The following ATXN1 variants were observed in gnomAD, a reference collection of about 807,000 sequenced individuals.
The protein encoded by ATXN1 is ataxin 1, also known as ataxin-1.
A neutral mutation model predicts 56.4 loss-of-function variants in ATXN1; 8 were observed. The ratio of observed to expected loss-of-function variants is 0.14; its 90% CI spans 0.08 to 0.26. ATXN1 has a LOEUF of 0.26. Ranked by LOEUF, ATXN1 falls within the 10% of genes least tolerant of loss-of-function variation. The pLI is 1.00. For missense variants in ATXN1, 987 were observed against 1,106.5 expected (o/e 0.89, Z 1.53); for synonymous variants, 514 against 494.6 (o/e 1.04, Z -0.52).
intron 6 of ATXN1, among the ~76,000 whole-genome samples, chr6:16,355,560 C>CTTT (rs11285936): frequency 2.0e-5 from 3 of 146,784 alleles, no homozygotes; most frequent in Non-Finnish European, 3.0e-5. Context: ...CTCACCCACC[C>CTTT]TTTTTTTTTT....
intron 3 of ATXN1, among the ~76,000 whole-genome samples, chr6:16,604,754 T>TA (rs35893990): frequency 2.3e-3 from 325 of 144,184 alleles, no homozygotes; most frequent in African/African-American, 5.8e-3. Context: ...CCTGGCTGAT[T>TA]AAAAAAAAAA....
intron 6 of ATXN1, among the ~76,000 whole-genome samples, chr6:16,400,657 A>G (rs1275428532): frequency 6.6e-6 from 1 of 152,190 alleles, no homozygotes; most frequent in African/African-American, 2.4e-5. Flanking sequence ...TGTTAATCCA[A>G]TATTTATGAT....
intron 6 of ATXN1, among the ~76,000 whole-genome samples, chr6:16,332,302 A>T (rs990580659): frequency 1.2e-4 from 18 of 152,348 alleles, no homozygotes; most frequent in Admixed American, 3.3e-4. Context: ...AGGGCGCCCC[A>T]GGATGGCACC....
intron 6 of ATXN1, among the ~76,000 whole-genome samples, chr6:16,371,277 G>A (rs1034718428): frequency 9.9e-5 from 15 of 151,814 alleles, no homozygotes; most frequent in African/African-American, 3.6e-4. Context: ...GAACTAAATA[G>A]GAGCTAATAC....
At chr6:16,321,532 C>T (rs542040543) in intron 7 of ATXN1, among the ~76,000 whole-genome samples, 1 of 152,340 alleles carries the variant, frequency 6.6e-6, no homozygotes, top group African/African-American at 2.4e-5. Context: ...CTGGGGGATG[C>T]ATAGACGCTT....
chr6:16,635,175 G>A (rs148790216), intron 3 of ATXN1, among the ~76,000 whole-genome samples: 10 of 152,096 alleles, frequency 6.6e-5, no homozygotes, highest in African/African-American at 2.2e-4. Flanking sequence ...AGGGATGTAG[G>A]TTGCACCCTC....
At chr6:16,478,603 C>T (rs769384479) in intron 6 of ATXN1, among the ~76,000 whole-genome samples, 1 of 152,152 alleles carries the variant, frequency 6.6e-6, no homozygotes, top group African/African-American at 2.4e-5. Context: ...AATCTTTGTG[C>T]CCAGTTCTCT....
At chr6:16,443,426 TA>T (rs1356282416) in intron 6 of ATXN1, among the ~76,000 whole-genome samples, 1 of 152,150 alleles carries the variant, frequency 6.6e-6, no homozygotes, top group African/African-American at 2.4e-5. Flanking sequence ...AAAAGCCTCT[TA>T]GGAAGTCTCA....
In ATXN1 at chr6:16,630,361, A is replaced by G. The variant is rs78231134; in HGVS notation, c.-489+27415T>C. Among the ~76,000 whole-genome samples the G allele has an allele frequency of 3.1e-3, 479 of 152,326 alleles. 4 individuals carry two copies. Among genetic ancestry groups the G allele is most frequent in the African/African-American group, 0.011 (458 of 41,560 alleles). ...GTCCATTTACAGAACCAGCCTTATC[A>G]CTTAGCAATATAGCCCACATACCCA... On this transcript the variant is annotated intron_variant, in intron 3 of 7. Transcript: ENST00000436367.
chr6:16,319,976 G>A (rs959206961), intron 7 of ATXN1, among the ~76,000 whole-genome samples: 1 of 151,758 alleles, frequency 6.6e-6, no homozygotes, highest in Non-Finnish European at 1.5e-5. Context: ...ACCAACAACT[G>A]CGGCACAAAT....
At chr6:16,439,001 T>A (rs1759449042) in intron 6 of ATXN1, among the ~76,000 whole-genome samples, 1 of 152,040 alleles carries the variant, frequency 6.6e-6, no homozygotes, top group Non-Finnish European at 1.5e-5. Flanking sequence ...AAGGAAAGCT[T>A]CCAAAAGAGG....
At position 16,327,678 on chromosome 6, in the gene ATXN1, A is replaced by ATGCTGATGC. The variant is rs762842044; in HGVS notation, c.624_632dup (p.Gln208_Gln210dup). 139 of 1,011,144 alleles carry ATGCTGATGC rather than the reference A, an allele frequency of 1.4e-4. No homozygotes were observed. Among genetic ancestry groups the ATGCTGATGC allele is most frequent in the Admixed American group, 8.1e-5 (3 of 37,106 alleles). The allele number at this position is 1,011,144 out of a possible 1,614,324, so 62.6% of individuals were successfully genotyped here. A position where few individuals can be genotyped will look rare whatever the true frequency, so the allele number is the denominator to read the frequency against. ...GCTGCTGCTGCTGCTGCTGCTGCTG[A>ATGCTGATGC]TGCTGATGCTGCTGCTGCTGCTGCT... On this transcript the variant is annotated inframe_insertion, in exon 7 of 8. Coordinates refer to ENST00000436367, the MANE Select transcript of ATXN1 (RefSeq NM_001128164.2).
intron 4 of ATXN1, among the ~76,000 whole-genome samples, chr6:16,526,769 A>G (rs1761403684): frequency 6.6e-6 from 1 of 151,532 alleles, no homozygotes; most frequent in East Asian, 1.9e-4. Context: ...TCATCTCAAA[A>G]AAAAAAAAAA....
chr6:16,606,867 T>TTTGTGTGTGTGTGTGTGTGTGTG (rs1554119512), intron 3 of ATXN1, among the ~76,000 whole-genome samples: 2 of 126,712 alleles, frequency 1.6e-5, no homozygotes, highest in African/African-American at 2.9e-5. Context: ...GTTCCATGAG[T>TTTGTGTGTGTGTGTGTGTGTGTG]TGTGTGTGTG....
intron 5 of ATXN1, among the ~76,000 whole-genome samples, chr6:16,499,893 AC>A (rs936937275): frequency 2.0e-5 from 3 of 152,190 alleles, no homozygotes; most frequent in African/African-American, 7.2e-5. Flanking sequence ...ACACATTGTG[AC>A]CACCCAGAGA....
chr6:16,361,937 G>A lies in ATXN1; in HGVS notation c.-160-33467C>T, dbSNP rs556631925. On this transcript the variant is annotated intron_variant, in intron 6 of 7. Coordinates refer to ENST00000436367, the MANE Select transcript of ATXN1 (RefSeq NM_001128164.2). ...ATGTGGCCATATGAAAACATGTTGT[G>A]TGATTATCTGGTGAAATTGGGGGAC... Among the ~76,000 whole-genome samples the A allele has an allele frequency of 2.1e-3, 315 of 152,306 alleles. 3 individuals carry two copies. The highest frequency in any genetic ancestry group is 1.9e-3 in the Non-Finnish European group (130 of 68,032).
chr6:16,317,971 TAAGAAAAATTTTAGCTCCTCTGTATGAAA>T (rs2113392626), intron 7 of ATXN1, among the ~76,000 whole-genome samples: 1 of 152,356 alleles, frequency 6.6e-6, no homozygotes, highest in East Asian at 1.9e-4. Context: ...GACTGGCTTT[TAAGAAAAATTTTAGCTCCTCTGTATGAAA>T]ATTCAATAAA....
At chr6:16,599,629 T>C (rs1410454425) in intron 3 of ATXN1, among the ~76,000 whole-genome samples, 1 of 150,982 alleles carries the variant, frequency 6.6e-6, no homozygotes, top group African/African-American at 2.4e-5. Context: ...GAGAACAGCT[T>C]GAACCAGGGA....
At chr6:16,705,081 AG>A (rs1400315981) in intron 2 of ATXN1, among the ~76,000 whole-genome samples, 3 of 152,246 alleles carry the variant, frequency 2.0e-5, no homozygotes, top group Admixed American at 6.5e-5. Context: ...TCTCTGTGAC[AG>A]GAATATGACA....
Sources: allele counts gnomAD v4.1 joint callset (sites outside exome capture counted in the v4.1 genomes callset), GRCh38; gene constraint gnomAD v4.1.1; transcripts MANE v1.5; gene names NCBI Gene and HGNC (gene_info 2026-07-23, HGNC 2026-07-21).